The following ZDHHC11B variants were observed in gnomAD, a reference collection of about 807,000 sequenced individuals.
ZDHHC11B encodes zDHHC palmitoyltransferase 11B (putative), also known as probable palmitoyltransferase ZDHHC11B.
In ZDHHC11B, 17 loss-of-function variants were observed where a neutral mutation model predicts 42.3. The observed-to-expected ratio is 0.40, with a 90% CI of 0.27 to 0.60. The LOEUF is 0.60. Ranked by LOEUF, ZDHHC11B falls within the 20% of genes least tolerant of loss-of-function variation. The probability of loss-of-function intolerance (pLI) is 0.41; values close to 1 mark genes in which losing one functional copy is unlikely to be tolerated. For missense variants in ZDHHC11B, 262 were observed against 463.2 expected, an observed-to-expected ratio of 0.57 and a Z score of 3.99; for synonymous variants, 123 against 193.5, an observed-to-expected ratio of 0.64 and a Z score of 3.02.
rs1256988816 is a variant in ZDHHC11B, at chr5:770,763, GC to G, written c.-229-1834del. On this transcript the variant is annotated intron_variant, in intron 1 of 13. Coordinates refer to ENST00000508859, the MANE Select transcript of ZDHHC11B (RefSeq NM_001351303.2). Reference sequence around the variant, plus strand: ...CTGGCCCCAGCCAGGGGAGGGGACTGCCAGTGTGCAGGGCTGAGGCAGTGCT... The same window carrying G: ...CTGGCCCCAGCCAGGGGAGGGGACTGCAGTGTGCAGGGCTGAGGCAGTGCT... Among the ~76,000 whole-genome samples the G allele has an allele frequency of 2.6e-5, 4 of 152,022 alleles. No individual in the cohort carries two copies. In the East Asian group the frequency reaches 7.7e-4, roughly 29 times the overall value.
At position 743,699 on chromosome 5, in the gene ZDHHC11B, G is replaced by A. The variant is rs72707083; in HGVS notation, c.900+1484C>T. 1.3e-5 allele frequency among the ~76,000 whole-genome samples: 2 copies of A among 149,986 alleles called. 1 individual carries two copies. The highest frequency in any genetic ancestry group is 3.0e-5 in the Non-Finnish European group (2 of 67,654). Reference sequence around the variant, plus strand: ...AAAAATATAACCCGGAGTTTTCATTGCTGGTGGATCGAGATGTGCGAGTGT... The same window carrying A: ...AAAAATATAACCCGGAGTTTTCATTACTGGTGGATCGAGATGTGCGAGTGT... On this transcript the variant is annotated intron_variant, in intron 9 of 13. Transcript: ENST00000508859.
chr5:738,992 TA>T (rs2127030083), intron 10 of ZDHHC11B, among the ~76,000 whole-genome samples: 1 of 150,846 alleles, frequency 6.6e-6, no homozygotes, highest in Admixed American at 6.6e-5. Context: ...AAAGAAGTAA[TA>T]AGCAGACTAA....
At chr5:784,384 C>T (rs1336810304) in intron 1 of ZDHHC11B, among the ~76,000 whole-genome samples, 1 of 151,908 alleles carries the variant, frequency 6.6e-6, no homozygotes, top group African/African-American at 2.4e-5. Flanking sequence ...GCACAGGGCC[C>T]GGAGAAAGTG....
chr5:734,206 G>C (rs558562466), intron 10 of ZDHHC11B, among the ~76,000 whole-genome samples: 8 of 141,528 alleles, frequency 5.7e-5, no homozygotes, highest in Non-Finnish European at 1.1e-4. Context: ...ACAGCATGTG[G>C]AGACTCATAC....
chr5:732,650 T>G, intron 11 of ZDHHC11B: 1 of 451,882 alleles, frequency 2.2e-6, no homozygotes, highest in Admixed American at 2.4e-5. Flanking sequence ...CCTGGGGAAG[T>G]GCGGTGAGGC....
intron 12 of ZDHHC11B, among the ~76,000 whole-genome samples, chr5:719,703 T>C (rs903998020): frequency 2.7e-5 from 4 of 150,488 alleles, no homozygotes; most frequent in East Asian, 1.9e-4. Context: ...TACCAACATA[T>C]GCAACATAGG....
intron 4 of ZDHHC11B, among the ~76,000 whole-genome samples, chr5:758,049 G>A (rs1734096337): frequency 2.0e-5 from 3 of 151,820 alleles, no homozygotes; most frequent in Admixed American, 6.6e-5. Context: ...TCCAGCTGGT[G>A]ACACTGACAT....
intron 12 of ZDHHC11B, among the ~76,000 whole-genome samples, chr5:729,372 T>C (rs577645471): frequency 3.8e-4 from 58 of 151,268 alleles, no homozygotes; most frequent in Middle Eastern, 6.8e-3. Flanking sequence ...CTGCAGCTGC[T>C]GTGTGCCCAG....
At chr5:759,138 G>T (rs1486788258) in intron 4 of ZDHHC11B, among the ~76,000 whole-genome samples, 1 of 151,960 alleles carries the variant, frequency 6.6e-6, no homozygotes, top group Non-Finnish European at 1.5e-5. Context: ...CAAACTGCCT[G>T]CCCTCTGGAA....
chr5:736,304 C>G (rs1037701530), intron 10 of ZDHHC11B, among the ~76,000 whole-genome samples: 1 of 149,784 alleles, frequency 6.7e-6, no homozygotes, highest in Non-Finnish European at 1.5e-5. Context: ...TAACGAGGAA[C>G]CCCCCAAATT....
chr5:729,279 C>A (rs1185239754), intron 12 of ZDHHC11B, among the ~76,000 whole-genome samples: 1 of 151,192 alleles, frequency 6.6e-6, no homozygotes, highest in Non-Finnish European at 1.5e-5. Flanking sequence ...CTGGGCCCTA[C>A]CTGGTTTGGC....
intron 8 of ZDHHC11B, chr5:748,157 A>C: frequency 1.7e-6 from 1 of 574,272 alleles, no homozygotes; most frequent in Non-Finnish European, 3.0e-6. Context: ...CTCAGCGTTG[A>C]GTTCAGCTTC....
intron 4 of ZDHHC11B, among the ~76,000 whole-genome samples, chr5:756,652 T>C (rs2127134269): frequency 1.3e-5 from 2 of 151,680 alleles, no homozygotes; most frequent in South Asian, 4.2e-4. Context: ...ACGCCCCAGG[T>C]GTAAACACAG....
chr5:766,255 G>A (rs1259784441), intron 4 of ZDHHC11B, among the ~76,000 whole-genome samples: 1 of 151,606 alleles, frequency 6.6e-6, no homozygotes, highest in Non-Finnish European at 1.5e-5. Context: ...GGAGACAGGA[G>A]CAGACACGGG....
intron 9 of ZDHHC11B, among the ~76,000 whole-genome samples, chr5:744,547 T>G (rs528393867): frequency 6.0e-5 from 9 of 148,976 alleles, no homozygotes; most frequent in African/African-American, 1.5e-4. Flanking sequence ...TCATGTCACT[T>G]AACCGGAAAG....
At chr5:777,225 AG>A (rs2150244674) in intron 1 of ZDHHC11B, among the ~76,000 whole-genome samples, 1 of 151,950 alleles carries the variant, frequency 6.6e-6, no homozygotes, top group Admixed American at 6.6e-5. Flanking sequence ...GGACTCTCGC[AG>A]TGAGTGTTAC....
At chr5:770,675 G>T (rs1735946349) in intron 1 of ZDHHC11B, among the ~76,000 whole-genome samples, 1 of 152,036 alleles carries the variant, frequency 6.6e-6, no homozygotes, top group Admixed American at 6.5e-5. Context: ...GGAGCTTTAG[G>T]CTGGGGAGGG....
At chr5:718,204 GT>G (rs1741902614) in intron 12 of ZDHHC11B, among the ~76,000 whole-genome samples, 1 of 151,880 alleles carries the variant, frequency 6.6e-6, no homozygotes, top group South Asian at 2.1e-4. Flanking sequence ...AAAAGTGTGT[GT>G]AAGTATGTAT....
intron 10 of ZDHHC11B, among the ~76,000 whole-genome samples, 184 bp downstream of exon 10, chr5:741,410 C>G (rs1292279439): frequency 6.8e-6 from 1 of 147,076 alleles, no homozygotes; most frequent in Non-Finnish European, 1.5e-5. Flanking sequence ...ACAAGCACAT[C>G]GAGATAGATA....
Sources: allele counts gnomAD v4.1 joint callset (sites outside exome capture counted in the v4.1 genomes callset), GRCh38; gene constraint gnomAD v4.1.1; transcripts MANE v1.5; gene names NCBI Gene and HGNC (gene_info 2026-07-23, HGNC 2026-07-21).